UBXN7: variants seen among roughly 807,000 people sequenced by gnomAD.
UBXN7 encodes the protein UBX domain-containing protein 7.
Under a neutral mutation model 58.0 loss-of-function variants are expected in UBXN7, and 9 were observed. The observed-to-expected ratio is 0.16, with a 90% CI of 0.09 to 0.27. UBXN7 has a LOEUF of 0.27. Ranked by LOEUF, UBXN7 falls within the 10% of genes least tolerant of loss-of-function variation. The pLI is 1.00. For missense variants in UBXN7, 328 were observed against 599.6 expected (o/e 0.55, Z 4.73); for synonymous variants, 208 against 205.0 (o/e 1.01, Z -0.12).
chr3:196,412,090 G>A (rs1307706681), intron 1 of UBXN7, among the ~76,000 whole-genome samples: 3 of 151,596 alleles, frequency 2.0e-5, no homozygotes, highest in African/African-American at 7.3e-5. Context: ...TCAGCCAGGC[G>A]TGGTGGCAGG....
In UBXN7 at chr3:196,356,861, G is replaced by C. The variant is rs775495934; in HGVS notation, c.1309-15C>G. Reference sequence around the variant, plus strand: ...TTCACCAAAGCCTATAAAAACAAGAGAAAGACAAAGCCATTAGACGGAAAA... The same window carrying C: ...TTCACCAAAGCCTATAAAAACAAGACAAAGACAAAGCCATTAGACGGAAAA... On this transcript the variant is annotated splice_polypyrimidine_tract_variant and intron_variant, in intron 10 of 10. Coordinates refer to ENST00000296328, the MANE Select transcript of UBXN7 (RefSeq NM_015562.2). 6.3e-7 allele frequency: 1 copy of C among 1,595,766 alleles called. No individual in the cohort carries two copies. The highest frequency in any genetic ancestry group is 1.4e-5 in the African/African-American group (1 of 73,586).
chr3:196,386,718 C>A (rs1471655875), intron 5 of UBXN7, among the ~76,000 whole-genome samples: 2 of 152,168 alleles, frequency 1.3e-5, no homozygotes, highest in East Asian at 1.9e-4. Context: ...AAAGAGGACA[C>A]AAACAAATGG....
At chr3:196,430,373 T>C (rs995049768) in intron 1 of UBXN7, among the ~76,000 whole-genome samples, 1 of 151,592 alleles carries the variant, frequency 6.6e-6, no homozygotes, top group Non-Finnish European at 1.5e-5. Context: ...ATAATAATAA[T>C]AATAATAATA....
At chr3:196,400,983 T>C (rs1167014489) in intron 3 of UBXN7, among the ~76,000 whole-genome samples, 1 of 152,084 alleles carries the variant, frequency 6.6e-6, no homozygotes, top group East Asian at 1.9e-4. Context: ...CTATCTGCAG[T>C]GAGCAGTCCA....
At chr3:196,375,686 G>A (rs779412960) in intron 5 of UBXN7, among the ~76,000 whole-genome samples, 3 of 152,072 alleles carry the variant, frequency 2.0e-5, no homozygotes, top group Non-Finnish European at 4.4e-5. Context: ...GTAAAACAGC[G>A]GGAGACTAAC....
rs1560235801 is a variant in UBXN7 at position 196,401,815 on chromosome 3, A to AGAGAG, written c.289+1136_289+1137insCTCTC. On this transcript the variant is annotated intron_variant, in intron 3 of 10. Transcript: ENST00000296328. ...GTAAAGAAAGGAAAGAAAGAAAAGA[A>AGAGAG]AAGAGAAGAGAGAAGAGAAGAGAAG... 9.8e-3 allele frequency among the ~76,000 whole-genome samples: 530 copies of AGAGAG among 53,932 alleles called. 4 individuals carry two copies. The highest frequency in any genetic ancestry group is 0.027 in the African/African-American group (512 of 19,254). 35.4% of individuals were successfully genotyped at this position (53,932 alleles called of 152,430 possible).
chr3:196,396,257 T>C (rs1381559071), intron 3 of UBXN7, among the ~76,000 whole-genome samples: 1 of 150,342 alleles, frequency 6.7e-6, no homozygotes, highest in Non-Finnish European at 1.5e-5. Flanking sequence ...TGCCAAAGAA[T>C]GCCTCTAAAA....
At chr3:196,382,254 C>T (rs1053601869) in intron 5 of UBXN7, among the ~76,000 whole-genome samples, 3 of 152,180 alleles carry the variant, frequency 2.0e-5, no homozygotes, top group Non-Finnish European at 2.9e-5. Context: ...GGTCAAGTTA[C>T]CCACAAAGGG....
At chr3:196,376,217 T>C (rs547746580) in intron 5 of UBXN7, among the ~76,000 whole-genome samples, 11 of 152,228 alleles carry the variant, frequency 7.2e-5, no homozygotes, top group African/African-American at 2.6e-4. Context: ...TGAATAAAAC[T>C]AAATGTAAAC....
At chr3:196,365,010 G>A (rs1164307008) in intron 8 of UBXN7, among the ~76,000 whole-genome samples, 1 of 152,054 alleles carries the variant, frequency 6.6e-6, no homozygotes, top group Non-Finnish European at 1.5e-5. Flanking sequence ...TTTAAAAATT[G>A]TGGCCATGGC....
At position 196,400,582 on chromosome 3, in the gene UBXN7, C is replaced by T. The variant is rs1729932124; in HGVS notation, c.289+2370G>A. The T allele has an allele frequency of 2.8e-5, 5 of 177,828 alleles. No homozygotes were observed. The South Asian group carries it at 4.2e-4, about 15-fold the overall frequency. The allele number at this position is 177,828 out of a possible 1,614,324, so 11.0% of individuals were successfully genotyped here. ...TAGCAGCCAGGGCAAACAGCAATGC[C>T]CTGTCTCCACAAAACAAAACAATTA... On this transcript the variant is annotated intron_variant, in intron 3 of 10. Coordinates refer to ENST00000296328, the MANE Select transcript of UBXN7 (RefSeq NM_015562.2).
At chr3:196,403,241 T>C (rs1730048625) in intron 2 of UBXN7, among the ~76,000 whole-genome samples, 2 of 152,118 alleles carry the variant, frequency 1.3e-5, no homozygotes, top group South Asian at 4.1e-4. Context: ...CACTGCAACC[T>C]CCACCTCCCG....
At chr3:196,422,093 G>A (rs766802142) in intron 1 of UBXN7, among the ~76,000 whole-genome samples, 8 of 151,598 alleles carry the variant, frequency 5.3e-5, no homozygotes, top group Non-Finnish European at 2.9e-5. Flanking sequence ...CCAGCTACTT[G>A]GGAGGGTGAG....
rs557608214 is a variant in UBXN7, at chr3:196,356,923, A to G, written c.1309-77T>C. 1.5e-5 allele frequency: 23 copies of G among 1,493,382 alleles called. No individual in the cohort carries two copies. The East Asian group carries it at 5.5e-4, about 36-fold the overall frequency. The allele number at this position is 1,493,382 out of a possible 1,614,324, so 92.5% of individuals were successfully genotyped here. A position where few individuals can be genotyped will look rare whatever the true frequency, so the allele number is the denominator to read the frequency against. Reference sequence around the variant, plus strand: ...CATATTAGTGAATTAAATAGAAAACATTCTCTTTTTAATCATATTAGATCA... The same window carrying G: ...CATATTAGTGAATTAAATAGAAAACGTTCTCTTTTTAATCATATTAGATCA... On this transcript the variant is annotated intron_variant, in intron 10 of 10. Transcript: ENST00000296328.
chr3:196,432,141 G>A (rs567227413), intron 1 of UBXN7, 186 bp downstream of exon 1: 2 of 772,578 alleles, frequency 2.6e-6, no homozygotes, highest in East Asian at 5.4e-5. Context: ...ATCGGGAGCG[G>A]GGGGGGGCTG....
chr3:196,393,897 A>G (rs1301280646), intron 3 of UBXN7: 2 of 222,360 alleles, frequency 9.0e-6, no homozygotes, highest in Non-Finnish European at 1.8e-5. Context: ...CAAATCATTC[A>G]TGTATAATTA....
chr3:196,425,345 C>G (rs1336404049), intron 1 of UBXN7, among the ~76,000 whole-genome samples: 1 of 151,676 alleles, frequency 6.6e-6, no homozygotes, highest in Non-Finnish European at 1.5e-5. Flanking sequence ...ATCTCTGTGC[C>G]TATCTCTTCT....
intron 5 of UBXN7, among the ~76,000 whole-genome samples, chr3:196,381,265 T>C (rs1577447773): frequency 1.3e-5 from 2 of 152,342 alleles, no homozygotes; most frequent in African/African-American, 4.8e-5. Flanking sequence ...GCTGCCCCTC[T>C]GGGACGAAGC....
chr3:196,406,252 CA>C (rs1730157569), intron 2 of UBXN7, among the ~76,000 whole-genome samples: 1 of 152,000 alleles, frequency 6.6e-6, no homozygotes, highest in African/African-American at 2.4e-5. Flanking sequence ...AAGCTGGTCT[CA>C]AACTCTTGGG....
Sources: allele counts gnomAD v4.1 joint callset (sites outside exome capture counted in the v4.1 genomes callset), GRCh38; gene constraint gnomAD v4.1.1; transcripts MANE v1.5; gene names NCBI Gene and HGNC (gene_info 2026-07-23, HGNC 2026-07-21).